Variants in ANGPT1 observed in about 807,000 individuals in gnomAD.
The protein encoded by ANGPT1 is angiopoietin 1, also known as angiopoietin-1.
A neutral mutation model predicts 62.2 loss-of-function variants in ANGPT1; 17 were observed. The observed-to-expected ratio is 0.27, with a 90% confidence interval of 0.19 to 0.41. The LOEUF (loss-of-function observed/expected upper bound fraction) is 0.41, where lower values mean the gene tolerates loss of function less well. Among genes scored for constraint, ANGPT1 ranks in the 10% least tolerant of loss-of-function variants. The pLI, the probability that ANGPT1 is intolerant of heterozygous loss-of-function variation, is 1.00. For missense variants in ANGPT1, 478 were observed against 594.9 expected (o/e 0.80, Z 2.04); for synonymous variants, 199 against 198.9 (o/e 1.00, Z 0.00).
At chr8:107,478,639 G>A (rs1464892097) in intron 1 of ANGPT1, among the ~76,000 whole-genome samples, 1 of 152,118 alleles carries the variant, frequency 6.6e-6, no homozygotes, top group Non-Finnish European at 1.5e-5. Context: ...AAGAGAAAAT[G>A]TTTAAAACTC....
chr8:107,431,110 A>G (rs980412032), intron 1 of ANGPT1, among the ~76,000 whole-genome samples: 1 of 152,220 alleles, frequency 6.6e-6, no homozygotes, highest in African/African-American at 2.4e-5. Flanking sequence ...GTTCTTATAG[A>G]ACAGGCTATT....
At chr8:107,450,952 G>A (rs1563628386) in intron 1 of ANGPT1, among the ~76,000 whole-genome samples, 1 of 151,584 alleles carries the variant, frequency 6.6e-6, no homozygotes. Context: ...GGCAATGTAT[G>A]ACTGCCTTCT....
Position 107,362,560 on chromosome 8 carries a change from T to C in ANGPT1, c.298-15463A>G, listed in dbSNP as rs187248442. Among the ~76,000 whole-genome samples the C allele has an allele frequency of 1.7e-3, 266 of 152,264 alleles. 1 individual carries two copies. Among genetic ancestry groups the C allele is most frequent in the Middle Eastern group, 3.4e-3 (1 of 294 alleles). On this transcript the variant is annotated intron_variant, in intron 1 of 8. Transcript: ENST00000517746. ...ATAATTCATAGCTTTAATATTAAAA[T>C]TGTATCATCATCATTATCTCCAGGA...
Position 107,250,787 on chromosome 8 carries a change from T to C in ANGPT1, c.*1068A>G, listed in dbSNP as rs6982621. The C allele has an allele frequency of 6.6e-6, 1 of 152,080 alleles. No individual in the cohort carries two copies. Among genetic ancestry groups the C allele is most frequent in the East Asian group, 1.9e-4 (1 of 5,192 alleles). 9.4% of individuals were successfully genotyped at this position (152,080 alleles called of 1,614,324 possible). On this transcript the variant is annotated 3_prime_UTR_variant, in exon 9 of 9. Transcript: ENST00000517746. ...TTTCAGTTAATTAGCAAAATTTAAA[T>C]TAGCAAGACATAACAGGGTGAGTAT...
intron 1 of ANGPT1, among the ~76,000 whole-genome samples, chr8:107,385,267 G>A (rs184798182): frequency 8.1e-4 from 124 of 152,224 alleles, no homozygotes; most frequent in Admixed American, 1.4e-3. Context: ...CCATGAACAT[G>A]GAATGTTTTT....
At chr8:107,375,848 C>T (rs111272995) in intron 1 of ANGPT1, among the ~76,000 whole-genome samples, 1 of 152,266 alleles carries the variant, frequency 6.6e-6, no homozygotes, top group African/African-American at 2.4e-5. Context: ...AGAGAAAGGG[C>T]CGTGTTCCTG....
chr8:107,291,897 G>C lies in ANGPT1; in HGVS notation c.1038+2039C>G, dbSNP rs886747016. Among the ~76,000 whole-genome samples the C allele has an allele frequency of 7.8e-4, 114 of 145,960 alleles. 1 individual carries two copies. Among genetic ancestry groups the C allele is most frequent in the East Asian group, 3.8e-3 (18 of 4,736 alleles). ...TTTCTATTTCCACTGAAGATGGGGGGGGGGGGGGGCTTGCCACTTAATAGG... is the reference window on the plus strand; with the variant it reads ...TTTCTATTTCCACTGAAGATGGGGGCGGGGGGGGGCTTGCCACTTAATAGG... On this transcript the variant is annotated intron_variant, in intron 6 of 8. Coordinates refer to ENST00000517746, the MANE Select transcript of ANGPT1 (RefSeq NM_001146.5).
chr8:107,463,326 C>T (rs1179173833), intron 1 of ANGPT1, among the ~76,000 whole-genome samples: 3 of 152,062 alleles, frequency 2.0e-5, no homozygotes, highest in Admixed American at 2.0e-4. Context: ...TGATTATGGC[C>T]TCTGAGAGAC....
At chr8:107,378,139 A>G (rs1205241710) in intron 1 of ANGPT1, among the ~76,000 whole-genome samples, 2 of 152,216 alleles carry the variant, frequency 1.3e-5, no homozygotes, top group Admixed American at 6.5e-5. Context: ...TCACTACTCA[A>G]TTAAATCAGC....
In ANGPT1 at chr8:107,251,641, G is replaced by T; in HGVS notation, c.*214C>A. 1.4e-5 allele frequency: 7 copies of T among 505,790 alleles called. No homozygotes were observed. The highest frequency in any genetic ancestry group is 3.5e-5 in the South Asian group (1 of 28,946). The allele number at this position is 505,790 out of a possible 1,614,324, so 31.3% of individuals were successfully genotyped here. The stretch of plus-strand genomic sequence containing the variant: ...ACAGTCAGTGGAGTTTTCTATAGTC[G>T]AGCCACGTGAGCACTGTCACCCCAA... On this transcript the variant is annotated 3_prime_UTR_variant, in exon 9 of 9. Coordinates refer to ENST00000517746, the MANE Select transcript of ANGPT1 (RefSeq NM_001146.5).
intron 1 of ANGPT1, among the ~76,000 whole-genome samples, chr8:107,426,371 CA>C (rs1485538392): frequency 6.6e-6 from 1 of 152,194 alleles, no homozygotes; most frequent in Non-Finnish European, 1.5e-5. Flanking sequence ...CATTCTAAAA[CA>C]GAAAGTGGGC....
chr8:107,441,989 C>A (rs528754628), intron 1 of ANGPT1, among the ~76,000 whole-genome samples: 2 of 151,978 alleles, frequency 1.3e-5, no homozygotes, highest in Non-Finnish European at 2.9e-5. Flanking sequence ...GAGGTTGATG[C>A]AGGAGAATCG....
Position 107,251,648 on chromosome 8 carries a change from G to A in ANGPT1, c.*207C>T, listed in dbSNP as rs939998673. 3.5e-6 allele frequency: 2 copies of A among 567,874 alleles called. No individual in the cohort carries two copies. Among genetic ancestry groups the A allele is most frequent in the African/African-American group, 3.7e-5 (2 of 53,356 alleles). The allele number at this position is 567,874 out of a possible 1,614,324, so 35.2% of individuals were successfully genotyped here. A position where few individuals can be genotyped will look rare whatever the true frequency, so the allele number is the denominator to read the frequency against. On this transcript the variant is annotated 3_prime_UTR_variant, in exon 9 of 9. Transcript: ENST00000517746. ...GTGGAGTTTTCTATAGTCGAGCCAC[G>A]TGAGCACTGTCACCCCAAGTAGAGA...
intron 5 of ANGPT1, chr8:107,294,439 C>T (rs929737890): frequency 6.5e-6 from 1 of 153,818 alleles, no homozygotes; most frequent in African/African-American, 2.4e-5. Context: ...AATTTTAAAA[C>T]TTTAAATTGA....
At chr8:107,349,502 A>G (rs1815887305) in intron 1 of ANGPT1, among the ~76,000 whole-genome samples, 1 of 152,216 alleles carries the variant, frequency 6.6e-6, no homozygotes, top group South Asian at 2.1e-4. Context: ...TTAAAAAATT[A>G]CAGATAAGTC....
intron 1 of ANGPT1, among the ~76,000 whole-genome samples, chr8:107,378,050 T>C (rs188861697): frequency 3.0e-4 from 46 of 152,308 alleles, no homozygotes; most frequent in Non-Finnish European, 5.9e-4. Flanking sequence ...GTACTTCTAA[T>C]TGAAATAGCC....
At chr8:107,457,396 C>A (rs374653686) in intron 1 of ANGPT1, among the ~76,000 whole-genome samples, 2 of 151,876 alleles carry the variant, frequency 1.3e-5, no homozygotes, top group South Asian at 4.1e-4. Flanking sequence ...AGTCAACCAA[C>A]TAACCAAGCT....
intron 7 of ANGPT1, among the ~76,000 whole-genome samples, chr8:107,281,718 C>T (rs867921042): frequency 3.7e-4 from 56 of 152,252 alleles, no homozygotes; most frequent in African/African-American, 1.2e-3. Flanking sequence ...GCGGAGGTTG[C>T]AGTGAGCCGA....
chr8:107,353,868 A>G (rs907395047), intron 1 of ANGPT1, among the ~76,000 whole-genome samples: 9 of 152,204 alleles, frequency 5.9e-5, no homozygotes, highest in Admixed American at 2.6e-4. Context: ...TTCTTTCTGT[A>G]AATATTCTTT....
Sources: gnomAD v4.1 joint callset for allele counts (sites outside exome capture counted in the v4.1 genomes callset) on GRCh38, gnomAD v4.1.1 for gene constraint, MANE v1.5 for transcripts, NCBI Gene and HGNC (gene_info 2026-07-23, HGNC 2026-07-21) for gene names.